ZBTB8A: variants seen among roughly 807,000 people sequenced by gnomAD.
The protein encoded by ZBTB8A is zinc finger and BTB domain containing 8A, also known as zinc finger and BTB domain-containing protein 8A.
ZBTB8A carries 19 observed loss-of-function variants against 37.8 expected under a neutral mutation model. The ratio of observed to expected loss-of-function variants is 0.50; its 90% CI spans 0.35 to 0.74. The LOEUF is 0.74. ZBTB8A is among the 30% of genes least tolerant of loss of function. The pLI, the probability that ZBTB8A is intolerant of heterozygous loss-of-function variation, is 0.01. For missense variants in ZBTB8A, 394 were observed against 537.8 expected (o/e 0.73, Z 2.65); for synonymous variants, 181 against 185.2 (o/e 0.98, Z 0.19).
chr1:32,558,438 AACACACACACACAC>A (rs35047367), intron 2 of ZBTB8A, among the ~76,000 whole-genome samples: 23 of 145,672 alleles, frequency 1.6e-4, no homozygotes, highest in African/African-American at 5.1e-4. Context: ...CTAAGTATTA[AACACACACACACAC>A]ACACACACAC....
At chr1:32,590,583 A>C (rs1041778283) in intron 2 of ZBTB8A, among the ~76,000 whole-genome samples, 3 of 152,124 alleles carry the variant, frequency 2.0e-5, no homozygotes, top group Admixed American at 6.5e-5. Context: ...GGATTTCTAC[A>C]TCTTTCTTGC....
intron 1 of ZBTB8A, among the ~76,000 whole-genome samples, chr1:32,543,197 C>G (rs1294094141): frequency 6.6e-6 from 1 of 152,092 alleles, no homozygotes; most frequent in Non-Finnish European, 1.5e-5. Flanking sequence ...AATTCTCCTA[C>G]CTCAGCCTCT....
chr1:32,571,270 T>A (rs1279485703), intron 2 of ZBTB8A, among the ~76,000 whole-genome samples: 1 of 152,262 alleles, frequency 6.6e-6, no homozygotes, highest in Admixed American at 6.5e-5. Context: ...ATCTTTGCCC[T>A]ATTCCCTGCC....
At chr1:32,575,225 C>CTT (rs1644350623) in intron 2 of ZBTB8A, among the ~76,000 whole-genome samples, 1 of 135,264 alleles carries the variant, frequency 7.4e-6, no homozygotes, top group African/African-American at 2.8e-5. Context: ...TCTTTTCTTT[C>CTT]CTTTTTTTTT....
At position 32,596,536 on chromosome 1, in the gene ZBTB8A, G is replaced by A. The variant is rs140262428; in HGVS notation, c.993+1313G>A. Among the ~76,000 whole-genome samples, 641 of 152,104 alleles carry A rather than the reference G, an allele frequency of 4.2e-3. 6 individuals carry two copies. Among genetic ancestry groups the A allele is most frequent in the African/African-American group, 0.014 (578 of 41,478 alleles). ...GTGGAGGTTACAGTGAGCTGAGATC[G>A]CGCCACTGCACTCCAGCCTGAATGA... On this transcript the variant is annotated intron_variant, in intron 4 of 4. Coordinates refer to ENST00000373510, the MANE Select transcript of ZBTB8A (RefSeq NM_001040441.3).
chr1:32,555,313 C>T (rs910585500), intron 2 of ZBTB8A, among the ~76,000 whole-genome samples: 11 of 152,030 alleles, frequency 7.2e-5, no homozygotes, highest in Admixed American at 1.3e-4. Context: ...GGCGTGAACC[C>T]GGGAGACGGA....
chr1:32,593,724 G>C lies in ZBTB8A; in HGVS notation c.793G>C (p.Gly265Arg), dbSNP rs1644508147. 1 of 1,611,738 alleles carries C rather than the reference G, an allele frequency of 6.2e-7. No individual in the cohort carries two copies. The change falls in exon 3 of 5, where the codon GGA becomes CGA. Residue 265 changes from glycine (G) to arginine (R), a missense_variant. Around this residue, in one of 4 missense-constraint regions of ZBTB8A, gnomAD observed 171 missense variants for 186.8 expected, o/e 0.92. Coordinates refer to ENST00000373510, the MANE Select transcript of ZBTB8A (RefSeq NM_001040441.3). ...STPVGYQYGQ[G>R]SDVTSKSFPD... ...TCCTGTTGGCTATCAGTACGGTCAA[G>C]GATCTGATGTCACATCCAAAAGCTT...
chr1:32,604,025 G>A lies in ZBTB8A; in HGVS notation c.*3606G>A, dbSNP rs1302027144. ...TACATGTGGGCAAATGTTACATAGGGGTATAATCTGTTTAAATAAGCTTTA... is the reference window on the plus strand; with the variant it reads ...TACATGTGGGCAAATGTTACATAGGAGTATAATCTGTTTAAATAAGCTTTA... On this transcript the variant is annotated 3_prime_UTR_variant, in exon 5 of 5. Coordinates refer to ENST00000373510, the MANE Select transcript of ZBTB8A (RefSeq NM_001040441.3). 2 of 151,966 alleles carry A rather than the reference G, an allele frequency of 1.3e-5. No homozygotes were observed. The highest frequency in any genetic ancestry group is 2.9e-5 in the Non-Finnish European group (2 of 67,986). The allele number at this position is 151,966 out of a possible 1,614,324, so 9.4% of individuals were successfully genotyped here. A position where few individuals can be genotyped will look rare whatever the true frequency, so the allele number is the denominator to read the frequency against.
At chr1:32,565,470 A>G (rs945476873) in intron 2 of ZBTB8A, among the ~76,000 whole-genome samples, 1 of 151,962 alleles carries the variant, frequency 6.6e-6, no homozygotes, top group Admixed American at 6.6e-5. Flanking sequence ...CCTGAGCAAC[A>G]TAGCAAGACC....
intron 2 of ZBTB8A, among the ~76,000 whole-genome samples, chr1:32,569,779 C>G (rs1385198827): frequency 1.4e-5 from 2 of 141,632 alleles, no homozygotes; most frequent in African/African-American, 2.6e-5. Flanking sequence ...CATGCTATTT[C>G]TTTTTTTTTT....
At chr1:32,548,200 A>G (rs1644122295) in intron 1 of ZBTB8A, among the ~76,000 whole-genome samples, 2 of 151,048 alleles carry the variant, frequency 1.3e-5, no homozygotes, top group South Asian at 4.2e-4. Flanking sequence ...GCAATTGACT[A>G]GTTGGAGTCG....
At chr1:32,584,092 C>T (rs1371270698) in intron 2 of ZBTB8A, among the ~76,000 whole-genome samples, 5 of 152,000 alleles carry the variant, frequency 3.3e-5, no homozygotes, top group Admixed American at 2.0e-4. Context: ...GATACAGAGA[C>T]ACACACGCAG....
In ZBTB8A at chr1:32,602,400, G is replaced by A. The variant is rs1644583587; in HGVS notation, c.*1981G>A. 2 of 150,634 alleles carry A rather than the reference G, an allele frequency of 1.3e-5. No individual in the cohort carries two copies. Among genetic ancestry groups the A allele is most frequent in the African/African-American group, 4.9e-5 (2 of 40,938 alleles). 9.3% of individuals were successfully genotyped at this position (150,634 alleles called of 1,614,324 possible). On this transcript the variant is annotated 3_prime_UTR_variant, in exon 5 of 5. Coordinates refer to ENST00000373510, the MANE Select transcript of ZBTB8A (RefSeq NM_001040441.3). ...ATTCCAAAATTACAGCTAAATTAGA[G>A]AAGCATTGTTTCAGTTCTAAAGGTA...
intron 2 of ZBTB8A, among the ~76,000 whole-genome samples, chr1:32,557,113 C>G (rs1357447778): frequency 6.6e-6 from 1 of 151,884 alleles, no homozygotes; most frequent in African/African-American, 2.4e-5. Flanking sequence ...AACAGCCTGG[C>G]CAACATAGTG....
Position 32,600,790 on chromosome 1 carries a change from T to C in ZBTB8A, c.*371T>C, listed in dbSNP as rs1644570073. 5.9e-6 allele frequency: 1 copy of C among 170,818 alleles called. No individual in the cohort carries two copies. The highest frequency in any genetic ancestry group is 1.3e-5 in the Non-Finnish European group (1 of 79,258). The allele number at this position is 170,818 out of a possible 1,614,324, so 10.6% of individuals were successfully genotyped here. A position where few individuals can be genotyped will look rare whatever the true frequency, so the allele number is the denominator to read the frequency against. On this transcript the variant is annotated 3_prime_UTR_variant, in exon 5 of 5. Transcript: ENST00000373510. ...TAAATAAATTCACCACAACCAAACT[T>C]TATGTAAGACAATTTCAAGGTGTTT...
At position 32,558,257 on chromosome 1, in the gene ZBTB8A, G is replaced by GT. The variant is rs149097821; in HGVS notation, c.-2+4718dup. Among the ~76,000 whole-genome samples, 620 of 152,140 alleles carry GT rather than the reference G, an allele frequency of 4.1e-3. 8 individuals carry two copies. In the East Asian group the frequency reaches 0.043, roughly 11 times the overall value. ...CTGAAAATCAAACCTTAAACAAGAG[G>GT]TAACAGTGTAAATGCTACCAATCAT... is the stretch of plus-strand genomic sequence containing the variant. On this transcript the variant is annotated intron_variant, in intron 2 of 4. Transcript: ENST00000373510.
At chr1:32,593,787 G>A (rs761974990) in intron 3 of ZBTB8A, 33 bp downstream of exon 3, 8 of 1,535,428 alleles carry the variant, frequency 5.2e-6, no homozygotes, top group Admixed American at 3.7e-5. Flanking sequence ...CCCTCATCCA[G>A]GTTCCAAACT....
chr1:32,572,999 A>G (rs1387501701), intron 2 of ZBTB8A, among the ~76,000 whole-genome samples: 1 of 134,450 alleles, frequency 7.4e-6, no homozygotes, highest in African/African-American at 2.8e-5. Context: ...TTTGGTTTCT[A>G]TTTTGTTCAT....
At chr1:32,551,886 C>G (rs988265609) in intron 1 of ZBTB8A, among the ~76,000 whole-genome samples, 1 of 152,040 alleles carries the variant, frequency 6.6e-6, no homozygotes, top group Non-Finnish European at 1.5e-5. Flanking sequence ...CTTCTTTATA[C>G]TTACCTGTAC....
Sources: allele counts gnomAD v4.1 joint callset (sites outside exome capture counted in the v4.1 genomes callset), GRCh38; gene constraint gnomAD v4.1.1; regional missense constraint gnomAD v4.1.1; transcripts MANE v1.5; gene names NCBI Gene and HGNC (gene_info 2026-07-23, HGNC 2026-07-21).